The following ZNF462 variants were observed in gnomAD, a reference collection of about 807,000 sequenced individuals.
The protein encoded by ZNF462 is zinc finger protein 462.
ZNF462 carries 10 observed loss-of-function variants against 201.9 expected under a neutral mutation model. The ratio of observed to expected loss-of-function variants is 0.05; its 90% CI spans 0.03 to 0.08. ZNF462 has a LOEUF of 0.08. Among genes scored for constraint, ZNF462 ranks in the 10% least tolerant of loss-of-function variants. The pLI is 1.00. For synonymous variants in ZNF462, 1,227 were observed against 1,193.3 expected, an observed-to-expected ratio of 1.03 and a Z score of -0.58; for missense variants, 2,523 against 3,168.3, an observed-to-expected ratio of 0.80 and a Z score of 4.89.
At position 106,932,250 on chromosome 9, in the gene ZNF462, G is replaced by A; in HGVS notation, c.6013-196G>A. On this transcript the variant is annotated intron_variant, in intron 4 of 12. Transcript: ENST00000277225. The surrounding 1 kb of genome is among the most constrained non-coding windows in gnomAD (Gnocchi z 6.8). ...TTGTTGGTGGGGCATGTGTGTGTGT[G>A]TGGTTCTCTTAGCAGGAGGCGGATG... is the stretch of plus-strand genomic sequence containing the variant. 1 of 1,550,426 alleles carries A rather than the reference G, an allele frequency of 6.4e-7. No individual in the cohort carries two copies. The highest frequency in any genetic ancestry group is 8.7e-7 in the Non-Finnish European group (1 of 1,147,006).
Position 106,974,018 on chromosome 9 carries a change from TAGCCCCACAAG to T in ZNF462, c.6696-118_6696-108del. 7.5e-7 allele frequency: 1 copy of T among 1,331,470 alleles called. No homozygotes were observed. The highest frequency in any genetic ancestry group is 1.0e-6 in the Non-Finnish European group (1 of 965,850). 82.5% of individuals were successfully genotyped at this position (1,331,470 alleles called of 1,614,324 possible). The stretch of plus-strand genomic sequence containing the variant: ...CAAACATGATGAACAGATTTTTTTT[TAGCCCCACAAG>T]CAGGAGAGCCGCACTTGGACATATA... On this transcript the variant is annotated intron_variant, in intron 8 of 12. Transcript: ENST00000277225. The surrounding 1 kb of genome is among the most constrained non-coding windows in gnomAD (Gnocchi z 4.0).
Position 106,928,545 on chromosome 9 carries a change from G to C in ZNF462, c.4633G>C (p.Ala1545Pro), listed in dbSNP as rs750663737. 6.2e-7 allele frequency: 1 copy of C among 1,613,966 alleles called. No homozygotes were observed. Residue 1545 changes from alanine to proline, a missense_variant, in exon 3 of 13, where the codon GCT becomes CCT. By Grantham distance (27) the Ala-to-Pro change is conservative (BLOSUM62 -1). This residue lies in a region of ZNF462 where 200 missense variants were observed against 281.3 expected (regional missense o/e 0.71). Transcript: ENST00000277225. The surrounding 1 kb of genome is among the most constrained non-coding windows in gnomAD (Gnocchi z 9.3). ...QKRHPSIKVT[A>P]EDFVHDVEQS... ...GCGACACCCGTCCATCAAGGTGACCGCTGAGGACTTTGTGCACGACGTAGA... is the reference window on the plus strand; with the variant it reads ...GCGACACCCGTCCATCAAGGTGACCCCTGAGGACTTTGTGCACGACGTAGA...
At chr9:107,001,388 AG>A (rs1829174109) in intron 10 of ZNF462, among the ~76,000 whole-genome samples, 1 of 152,168 alleles carries the variant, frequency 6.6e-6, no homozygotes, top group Admixed American at 6.6e-5. Context: ...ATTCCCAGAA[AG>A]GGGAAGGAAA....
chr9:106,990,581 A>C (rs1828192146), intron 10 of ZNF462, among the ~76,000 whole-genome samples: 1 of 151,904 alleles, frequency 6.6e-6, no homozygotes, highest in South Asian at 2.1e-4. Flanking sequence ...CACAGTCTTT[A>C]ACGTAATATT....
intron 1 of ZNF462, among the ~76,000 whole-genome samples, chr9:106,878,054 C>T (rs1200599675): frequency 6.6e-6 from 1 of 152,140 alleles, no homozygotes; most frequent in African/African-American, 2.4e-5. Flanking sequence ...GTGTTCAGTT[C>T]GTGACATGTA....
Position 106,927,288 on chromosome 9 carries a change from G to A in ZNF462, c.3376G>A (p.Val1126Ile). ...CKHCSYSNRS[V>I]VGVLVHYQKR... ...ACACTGTTCCTACAGCAATCGGTCA[G>A]TTGTGGGAGTGCTTGTCCACTACCA... The change falls in exon 3 of 13, where the codon GTT (valine) becomes ATT (isoleucine). Residue 1126 changes from valine to isoleucine, a missense_variant. Physicochemically the swap from Val to Ile is conservative, Grantham distance 29 (BLOSUM62 3). Transcript: ENST00000277225. 6.2e-7 allele frequency: 1 copy of A among 1,609,556 alleles called. No homozygotes were observed. Among genetic ancestry groups the A allele is most frequent in the Non-Finnish European group, 8.5e-7 (1 of 1,179,538 alleles).
At position 106,981,685 on chromosome 9, in the gene ZNF462, A is replaced by C. The variant is rs1827443088; in HGVS notation, c.6833-2501A>C. 6.6e-6 allele frequency among the ~76,000 whole-genome samples: 1 copy of C among 152,210 alleles called. No homozygotes were observed. The highest frequency in any genetic ancestry group is 2.4e-5 in the African/African-American group (1 of 41,454). On this transcript the variant is annotated intron_variant, in intron 9 of 12. Transcript: ENST00000277225. This position sits in a 1 kb window ranked among gnomAD's most constrained non-coding sequence, Gnocchi z 4.0. ...CTTTGTGTAAAATTCACTTAGACAC[A>C]CATAGTGAAATTGGAAACTGCAAAG...
In ZNF462 at chr9:106,920,659, C is replaced by G. The variant is rs1027859607; in HGVS notation, c.-30-2695C>G. ...TTCTGATCTCATAACCCTTTAATCT[C>G]CTTTGTAGCAGAACAAGGAGATTGT... On this transcript the variant is annotated intron_variant, in intron 1 of 12. Coordinates refer to ENST00000277225, the MANE Select transcript of ZNF462 (RefSeq NM_021224.6). The surrounding 1 kb of genome is among the most constrained non-coding windows in gnomAD (Gnocchi z 4.3). Among the ~76,000 whole-genome samples, 1 of 152,176 alleles carries G rather than the reference C, an allele frequency of 6.6e-6. No individual in the cohort carries two copies. The highest frequency in any genetic ancestry group is 1.5e-5 in the Non-Finnish European group (1 of 68,030).
chr9:106,997,400 A>G (rs527249977), intron 10 of ZNF462, among the ~76,000 whole-genome samples: 6 of 152,188 alleles, frequency 3.9e-5, no homozygotes, highest in Non-Finnish European at 8.8e-5. Context: ...AGTATTCACA[A>G]TAGAATAGCC....
chr9:106,989,738 G>C (rs1015523637), intron 10 of ZNF462, among the ~76,000 whole-genome samples: 1 of 151,832 alleles, frequency 6.6e-6, no homozygotes, highest in East Asian at 1.9e-4. Context: ...GTCTGTTCAG[G>C]GTATCTAATT....
chr9:107,009,488 T>TA lies in ZNF462; in HGVS notation c.7190-56dup. The TA allele has an allele frequency of 1.9e-6, 3 of 1,608,134 alleles. No homozygotes were observed. Among genetic ancestry groups the TA allele is most frequent in the Non-Finnish European group, 2.6e-6 (3 of 1,175,984 alleles). On this transcript the variant is annotated intron_variant, in intron 11 of 12. Transcript: ENST00000277225. The surrounding 1 kb of genome is among the most constrained non-coding windows in gnomAD (Gnocchi z 6.1). ...GAGGGTATCCTAATGAATGCTGACT[T>TA]ACCTATTCTGCTGATTCCCACAGCA...
intron 1 of ZNF462, among the ~76,000 whole-genome samples, chr9:106,916,554 G>A (rs1302812941): frequency 1.3e-5 from 2 of 152,172 alleles, no homozygotes; most frequent in Non-Finnish European, 2.9e-5. Context: ...CTGCTGTTTG[G>A]GCGAGGTTTA....
intron 1 of ZNF462, among the ~76,000 whole-genome samples, chr9:106,868,889 T>C (rs992761420): frequency 6.6e-6 from 1 of 152,214 alleles, no homozygotes; most frequent in African/African-American, 2.4e-5. Context: ...GGATTTTTCT[T>C]AGTTGGATTT....
intron 10 of ZNF462, among the ~76,000 whole-genome samples, chr9:106,997,725 C>A (rs1337614487): frequency 6.6e-6 from 1 of 152,074 alleles, no homozygotes; most frequent in Non-Finnish European, 1.5e-5. Flanking sequence ...TAAGGACAGG[C>A]AAAGAAGATC....
chr9:106,885,089 A>G lies in ZNF462; in HGVS notation c.-31+21734A>G, dbSNP rs903449413. ...AGAGATTTCTGCTTTAATCTCAATAAAAAGGAAAATGGCCCTGTTGCAAAA... is the reference window on the plus strand; with the variant it reads ...AGAGATTTCTGCTTTAATCTCAATAGAAAGGAAAATGGCCCTGTTGCAAAA... On this transcript the variant is annotated intron_variant, in intron 1 of 12. Transcript: ENST00000277225. The surrounding 1 kb of genome is among the most constrained non-coding windows in gnomAD (Gnocchi z 4.1). Among the ~76,000 whole-genome samples, 3 of 152,204 alleles carry G rather than the reference A, an allele frequency of 2.0e-5. No individual in the cohort carries two copies. Among genetic ancestry groups the G allele is most frequent in the African/African-American group, 7.2e-5 (3 of 41,458 alleles).
Position 106,935,962 on chromosome 9 carries a change from CTATT to C in ZNF462, c.6235+342_6235+345del, listed in dbSNP as rs1830613928. On this transcript the variant is annotated intron_variant, in intron 6 of 12. Transcript: ENST00000277225. This position sits in a 1 kb window ranked among gnomAD's most constrained non-coding sequence, Gnocchi z 4.1. ...ATTCAATTGCCAAGAATTGTTATAT[CTATT>C]AAAAAGACTTTCCAGCTAAAATAAA... Among the ~76,000 whole-genome samples, 1 of 152,102 alleles carries C rather than the reference CTATT, an allele frequency of 6.6e-6. No homozygotes were observed. Among genetic ancestry groups the C allele is most frequent in the African/African-American group, 2.4e-5 (1 of 41,406 alleles).
At chr9:106,952,913 G>A (rs1831414914) in intron 7 of ZNF462, among the ~76,000 whole-genome samples, 1 of 152,140 alleles carries the variant, frequency 6.6e-6, no homozygotes, top group Non-Finnish European at 1.5e-5. Flanking sequence ...ATCCAGCAGA[G>A]TTGAGGTTAG....
At position 107,009,461 on chromosome 9, in the gene ZNF462, G is replaced by C. The variant is rs1290204937; in HGVS notation, c.7190-84G>C. On this transcript the variant is annotated intron_variant, in intron 11 of 12. Coordinates refer to ENST00000277225, the MANE Select transcript of ZNF462 (RefSeq NM_021224.6). The surrounding 1 kb of genome is among the most constrained non-coding windows in gnomAD (Gnocchi z 6.1). ...CATGGCTTTATCAGTGAAGGTAGGAGAGAGGGTATCCTAATGAATGCTGAC... is the reference window on the plus strand; with the variant it reads ...CATGGCTTTATCAGTGAAGGTAGGACAGAGGGTATCCTAATGAATGCTGAC... 1 of 1,560,448 alleles carries C rather than the reference G, an allele frequency of 6.4e-7. No individual in the cohort carries two copies. Among genetic ancestry groups the C allele is most frequent in the Non-Finnish European group, 8.7e-7 (1 of 1,143,234 alleles).
intron 7 of ZNF462, among the ~76,000 whole-genome samples, chr9:106,965,848 A>G (rs1288510904): frequency 2.0e-5 from 3 of 152,106 alleles, no homozygotes; most frequent in Non-Finnish European, 4.4e-5. Context: ...GAAAATACTG[A>G]AACTATTTTT....
Sources: allele counts gnomAD v4.1 joint callset (sites outside exome capture counted in the v4.1 genomes callset), GRCh38; gene constraint gnomAD v4.1.1; regional missense constraint gnomAD v4.1.1; non-coding constraint Gnocchi (gnomAD v3.1); transcripts MANE v1.5; gene names NCBI Gene and HGNC (gene_info 2026-07-23, HGNC 2026-07-21).